ADCY10: variants seen among roughly 807,000 people sequenced by gnomAD.
ADCY10 encodes adenylate cyclase 10, also known as adenylate cyclase type 10.
ADCY10 carries 156 observed loss-of-function variants against 183.3 expected under a neutral mutation model. The ratio of observed to expected loss-of-function variants is 0.85; its 90% CI spans 0.75 to 0.97. The LOEUF is 0.97. Among genes scored for constraint, ADCY10 ranks in the 50% least tolerant of loss-of-function variants. The pLI, the probability that ADCY10 is intolerant of heterozygous loss-of-function variation, is 0.00. For missense variants in ADCY10, 1,745 were observed against 1,934.3 expected (o/e 0.90, Z 1.84); for synonymous variants, 645 against 670.0 (o/e 0.96, Z 0.58).
At chr1:167,838,860 A>G (rs900508429) in intron 21 of ADCY10, among the ~76,000 whole-genome samples, 1 of 152,216 alleles carries the variant, frequency 6.6e-6, no homozygotes, top group African/African-American at 2.4e-5. Flanking sequence ...TTTTCCTAAC[A>G]TAGTAAGCAT....
chr1:167,885,842 C>T (rs142376957), intron 8 of ADCY10, among the ~76,000 whole-genome samples: 1,558 of 152,276 alleles, frequency 0.01, 27 homozygotes, highest in African/African-American at 0.035. Flanking sequence ...TCTTGAACTC[C>T]TGATCTCGTG....
chr1:167,847,582 A>G (rs1558181485), intron 19 of ADCY10, among the ~76,000 whole-genome samples: 1 of 150,460 alleles, frequency 6.6e-6, no homozygotes, highest in African/African-American at 2.4e-5. Context: ...TGCCCGGCTA[A>G]TTTTTTTTTG....
At chr1:167,862,358 G>T (rs1376128445) in intron 14 of ADCY10, among the ~76,000 whole-genome samples, 3 of 152,124 alleles carry the variant, frequency 2.0e-5, no homozygotes, top group Admixed American at 1.3e-4. Context: ...GAGAAATTTG[G>T]ACACAAACAA....
At chr1:167,895,730 A>G (rs73022200) in intron 7 of ADCY10, among the ~76,000 whole-genome samples, 10,009 of 152,286 alleles carry the variant, frequency 0.066, 390 homozygotes, top group Middle Eastern at 0.11. Context: ...AGCAACTTGC[A>G]GGACCTTGAG....
intron 26 of ADCY10, among the ~76,000 whole-genome samples, chr1:167,825,115 A>G (rs777000532): frequency 2.0e-5 from 3 of 152,248 alleles, no homozygotes; most frequent in Non-Finnish European, 2.9e-5. Context: ...TGTGAAAAAT[A>G]AAAGCAATAG....
chr1:167,909,544 GA>G (rs1220853844), intron 1 of ADCY10, among the ~76,000 whole-genome samples: 3 of 148,812 alleles, frequency 2.0e-5, no homozygotes, highest in Admixed American at 6.6e-5. Context: ...AACATTATGA[GA>G]TTTTTTTGTG....
At chr1:167,882,675 T>C (rs1287931629) in intron 9 of ADCY10, among the ~76,000 whole-genome samples, 27 of 151,886 alleles carry the variant, frequency 1.8e-4, no homozygotes, top group African/African-American at 6.5e-4. Flanking sequence ...TAATACATCA[T>C]GCACTGAGCT....
At chr1:167,858,932 GAAGGGAGGAC>G (rs1375518470) in intron 16 of ADCY10, among the ~76,000 whole-genome samples, 1 of 152,182 alleles carries the variant, frequency 6.6e-6, no homozygotes, top group Non-Finnish European at 1.5e-5. Flanking sequence ...ATGGCAATAG[GAAGGGAGGAC>G]AAGGAGATTC....
At position 167,878,498 on chromosome 1, in the gene ADCY10, C is replaced by T. The variant is rs747117539; in HGVS notation, c.1354G>A (p.Gly452Ser). The change falls in exon 12 of 33, where the codon GGT (glycine) becomes AGT (serine). Residue 452 changes from glycine to serine, a missense_variant. Transcript: ENST00000367851. ...TACAATGGTCCAGAATCTGCAACACCTTTCATAACTTTCTTTGGAAGCTCT... is the reference window on the plus strand; with the variant it reads ...TACAATGGTCCAGAATCTGCAACACTTTTCATAACTTTCTTTGGAAGCTCT... ...FKELPKKVMKGVADSGPLYQY... is the reference protein window; with the variant it reads ...FKELPKKVMKSVADSGPLYQY... 8.1e-6 allele frequency: 13 copies of T among 1,614,050 alleles called. No homozygotes were observed. The highest frequency in any genetic ancestry group is 1.1e-5 in the Non-Finnish European group (13 of 1,180,048).
chr1:167,839,747 T>G (rs975146784), intron 21 of ADCY10, among the ~76,000 whole-genome samples: 1 of 152,148 alleles, frequency 6.6e-6, no homozygotes, highest in Non-Finnish European at 1.5e-5. Context: ...AAATAAAAAT[T>G]GATAATAAAT....
intron 23 of ADCY10, among the ~76,000 whole-genome samples, chr1:167,835,228 G>A (rs1017309831): frequency 6.6e-6 from 1 of 152,166 alleles, no homozygotes; most frequent in African/African-American, 2.4e-5. Flanking sequence ...CATGAAAAGA[G>A]ATCTAAGGGC....
In ADCY10 at chr1:167,837,707, T is replaced by A. The variant is rs190784352; in HGVS notation, c.3008-389A>T. On this transcript the variant is annotated intron_variant, in intron 21 of 32. Transcript: ENST00000367851. Reference sequence around the variant, plus strand: ...TTTCATAAGGGGGAAATAATCACTCTCTTGTGTTAATCCACAGAAATGCTG... The same window carrying A: ...TTTCATAAGGGGGAAATAATCACTCACTTGTGTTAATCCACAGAAATGCTG... Among the ~76,000 whole-genome samples, 134 of 152,230 alleles carry A rather than the reference T, an allele frequency of 8.8e-4. No homozygotes were observed. The East Asian group carries it at 0.02, about 23-fold the overall frequency.
chr1:167,878,742 G>A, intron 11 of ADCY10, 107 bp from the exon 12 acceptor site: 1 of 1,138,248 alleles, frequency 8.8e-7, no homozygotes, highest in Non-Finnish European at 1.3e-6. Flanking sequence ...TACTCCCTTT[G>A]CTGTTCATGA....
intron 8 of ADCY10, among the ~76,000 whole-genome samples, chr1:167,885,637 G>T (rs766114798): frequency 6.6e-6 from 1 of 151,162 alleles, no homozygotes; most frequent in Non-Finnish European, 1.5e-5. Flanking sequence ...TTTTTTTTGA[G>T]ACGGAGTCTC....
At chr1:167,905,954 C>G (rs904657950) in intron 1 of ADCY10, among the ~76,000 whole-genome samples, 2 of 151,990 alleles carry the variant, frequency 1.3e-5, no homozygotes, top group Non-Finnish European at 2.9e-5. Context: ...AAGCAAACAC[C>G]CTTTACTTTT....
chr1:167,818,282 G>A lies in ADCY10; in HGVS notation c.4287-15C>T. On this transcript the variant is annotated splice_polypyrimidine_tract_variant and intron_variant, in intron 30 of 32. Coordinates refer to ENST00000367851, the MANE Select transcript of ADCY10 (RefSeq NM_018417.6). Reference sequence around the variant, plus strand: ...GTCTGGCATACCTGCATTACCACAAGAGAATAAGAAAAATCAGTATCACCC... The same window carrying A: ...GTCTGGCATACCTGCATTACCACAAAAGAATAAGAAAAATCAGTATCACCC... The A allele has an allele frequency of 6.2e-7, 1 of 1,610,842 alleles. No homozygotes were observed. The highest frequency in any genetic ancestry group is 8.5e-7 in the Non-Finnish European group (1 of 1,177,076).
At chr1:167,831,744 A>G (rs1663750650) in intron 25 of ADCY10, among the ~76,000 whole-genome samples, 1 of 152,244 alleles carries the variant, frequency 6.6e-6, no homozygotes, top group African/African-American at 2.4e-5. Flanking sequence ...AGGATGCCCA[A>G]TTAAGTTTGA....
Position 167,824,764 on chromosome 1 carries a change from T to G in ADCY10, c.3842A>C (p.His1281Pro). The stretch of plus-strand genomic sequence containing the variant: ...GCCTTTCAGGGGGAGGTTGAAGATG[T>G]GCTCCATGGCCATGACTTCATATTT... ...WFKYEVMAME[H>P]IFNLPLKGEG... is the part of the protein sequence containing the mutation. Residue 1281 changes from histidine (H) to proline (P), a missense_variant, in exon 27 of 33, where the codon CAC (histidine) becomes CCC (proline). Coordinates refer to ENST00000367851, the MANE Select transcript of ADCY10 (RefSeq NM_018417.6). 6.2e-7 allele frequency: 1 copy of G among 1,614,246 alleles called. No individual in the cohort carries two copies. Among genetic ancestry groups the G allele is most frequent in the South Asian group, 1.1e-5 (1 of 91,088 alleles).
intron 17 of ADCY10, among the ~76,000 whole-genome samples, chr1:167,855,131 A>T (rs1349022704): frequency 2.0e-5 from 3 of 151,994 alleles, no homozygotes; most frequent in African/African-American, 4.8e-5. Flanking sequence ...GACCAGCCTG[A>T]CCAATATGGA....
Sources: gnomAD v4.1 joint callset for allele counts (sites outside exome capture counted in the v4.1 genomes callset) on GRCh38, gnomAD v4.1.1 for gene constraint, MANE v1.5 for transcripts, NCBI Gene and HGNC (gene_info 2026-07-23, HGNC 2026-07-21) for gene names.